The following PPP3CA variants were observed in gnomAD, a reference collection of about 807,000 sequenced individuals.
PPP3CA encodes the protein protein phosphatase 3 catalytic subunit alpha, also known as CAM-PRP catalytic subunit.
Under a neutral mutation model 66.5 loss-of-function variants are expected in PPP3CA, and 14 were observed. That is an observed-to-expected ratio of 0.21 (90% CI 0.14 to 0.33). PPP3CA has a LOEUF of 0.33. Among genes scored for constraint, PPP3CA ranks in the 10% least tolerant of loss-of-function variants. The probability of loss-of-function intolerance (pLI) is 1.00; values close to 1 mark genes in which losing one functional copy is unlikely to be tolerated. For missense variants in PPP3CA, 317 were observed against 639.5 expected (o/e 0.50, Z 5.44); for synonymous variants, 232 against 226.2 (o/e 1.03, Z -0.23).
chr4:101,184,195 T>C lies in PPP3CA; in HGVS notation c.259+11721A>G, dbSNP rs1724333893. Reference sequence around the variant, plus strand: ...GGAACCTGACTATGCTCGTTAGTTGTGATACAGGCAGTTAAAGCCACAGAA... The same window carrying C: ...GGAACCTGACTATGCTCGTTAGTTGCGATACAGGCAGTTAAAGCCACAGAA... On this transcript the variant is annotated intron_variant, in intron 2 of 13. Transcript: ENST00000394854. Among the ~76,000 whole-genome samples the C allele has an allele frequency of 3.3e-5, 5 of 152,148 alleles. 1 individual carries two copies. In the South Asian group the frequency reaches 1.0e-3, roughly 32 times the overall value.
chr4:101,030,868 G>T (rs115471497), intron 12 of PPP3CA, among the ~76,000 whole-genome samples: 2,207 of 152,102 alleles, frequency 0.015, 34 homozygotes, highest in Middle Eastern at 0.082. Context: ...ATTTCAGTCA[G>T]TTAGGTAGAT....
At chr4:101,316,372 T>C (rs974931874) in intron 1 of PPP3CA, among the ~76,000 whole-genome samples, 2 of 151,832 alleles carry the variant, frequency 1.3e-5, no homozygotes, top group Non-Finnish European at 2.9e-5. Flanking sequence ...TAATACCCCA[T>C]TGGAATCATC....
At chr4:101,057,061 T>C (rs184314205) in intron 10 of PPP3CA, among the ~76,000 whole-genome samples, 6 of 127,800 alleles carry the variant, frequency 4.7e-5, no homozygotes, top group Non-Finnish European at 9.2e-5. Context: ...TAGAATATAC[T>C]TTTTTTTTTT....
At chr4:101,324,545 T>TA (rs372271709) in intron 1 of PPP3CA, among the ~76,000 whole-genome samples, 2 of 151,996 alleles carry the variant, frequency 1.3e-5, no homozygotes, top group Admixed American at 6.6e-5. Context: ...GAAGAACATT[T>TA]AAAAAAAATT....
At chr4:101,176,769 A>G (rs1430722377) in intron 2 of PPP3CA, among the ~76,000 whole-genome samples, 1 of 152,084 alleles carries the variant, frequency 6.6e-6, no homozygotes, top group African/African-American at 2.4e-5. Context: ...TGACTAAAAT[A>G]CAACTACTGT....
rs574060254 is a variant in PPP3CA at position 101,259,124 on chromosome 4, TCA to T, written c.59-63010_59-63009del. Among the ~76,000 whole-genome samples, 14 of 152,228 alleles carry T rather than the reference TCA, an allele frequency of 9.2e-5. No individual in the cohort carries two copies. The South Asian group carries it at 2.7e-3, about 29-fold the overall frequency. On this transcript the variant is annotated intron_variant, in intron 1 of 13. Transcript: ENST00000394854. ...TTCCTTCTCTTGACTCTGAGGAAAGTCACACTACAAGTACTTTCCTCCTCTAT... is the reference window on the plus strand; with the variant it reads ...TTCCTTCTCTTGACTCTGAGGAAAGTCACTACAAGTACTTTCCTCCTCTAT...
At chr4:101,040,693 G>A (rs777521780) in intron 10 of PPP3CA, 127 bp from the exon 11 acceptor site, 16 of 658,792 alleles carry the variant, frequency 2.4e-5, no homozygotes, top group Admixed American at 3.7e-5. Flanking sequence ...CCCTTAAGAG[G>A]ATTTATCTGT....
chr4:101,082,897 T>C (rs1051067177), intron 7 of PPP3CA, among the ~76,000 whole-genome samples: 1 of 152,122 alleles, frequency 6.6e-6, no homozygotes, highest in Non-Finnish European at 1.5e-5. Context: ...AATGCAACAA[T>C]TGAGAGGAAT....
chr4:101,127,591 T>C (rs963328335), intron 2 of PPP3CA, among the ~76,000 whole-genome samples: 9 of 152,142 alleles, frequency 5.9e-5, no homozygotes, highest in African/African-American at 2.2e-4. Context: ...CCCGCCTACA[T>C]CCTGATTTCA....
intron 1 of PPP3CA, among the ~76,000 whole-genome samples, chr4:101,335,267 A>G (rs1458846031): frequency 6.6e-6 from 1 of 152,026 alleles, no homozygotes; most frequent in African/African-American, 2.4e-5. Flanking sequence ...GCCAAATTCA[A>G]TGGCGTTAGG....
chr4:101,041,177 G>T (rs982991123), intron 10 of PPP3CA, among the ~76,000 whole-genome samples: 2 of 152,062 alleles, frequency 1.3e-5, no homozygotes, highest in Non-Finnish European at 1.5e-5. Context: ...ATTGGATTTA[G>T]TAAGAGACAA....
At chr4:101,155,943 G>T (rs1258768817) in intron 2 of PPP3CA, among the ~76,000 whole-genome samples, 1 of 152,182 alleles carries the variant, frequency 6.6e-6, no homozygotes, top group Admixed American at 6.5e-5. Context: ...ATCATGTGCT[G>T]TGTATTGTTT....
intron 1 of PPP3CA, among the ~76,000 whole-genome samples, chr4:101,301,155 T>C (rs76633202): frequency 0.01 from 1,533 of 152,064 alleles, 15 homozygotes; most frequent in African/African-American, 0.024. Flanking sequence ...TATATTTGTA[T>C]ATAAAATGAC....
intron 10 of PPP3CA, among the ~76,000 whole-genome samples, chr4:101,049,492 T>C (rs1727917973): frequency 6.6e-6 from 1 of 152,126 alleles, no homozygotes; most frequent in Non-Finnish European, 1.5e-5. Context: ...GGAATAAATC[T>C]AAATTTAATA....
chr4:101,187,536 T>C (rs4699116), intron 2 of PPP3CA, among the ~76,000 whole-genome samples: 67,070 of 152,076 alleles, frequency 0.44, 17,621 homozygotes, highest in Middle Eastern at 0.64. Flanking sequence ...TTAATAAATA[T>C]TACCAGCTTA....
chr4:101,322,203 C>T (rs1468949698), intron 1 of PPP3CA, among the ~76,000 whole-genome samples: 1 of 152,096 alleles, frequency 6.6e-6, no homozygotes, highest in African/African-American at 2.4e-5. Flanking sequence ...AAAATCACTA[C>T]CGCTCTGGTC....
In PPP3CA at chr4:101,029,150, G is replaced by T; in HGVS notation, c.1369+16C>A. 1 of 1,589,072 alleles carries T rather than the reference G, an allele frequency of 6.3e-7. No homozygotes were observed. The highest frequency in any genetic ancestry group is 8.6e-7 in the Non-Finnish European group (1 of 1,157,580). On this transcript the variant is annotated intron_variant, in intron 13 of 13. Coordinates refer to ENST00000394854, the MANE Select transcript of PPP3CA (RefSeq NM_000944.5). ...ATCTGTTGCAGGTACAACAGAAAGG[G>T]GACTGGCCAATTTACCTTCATCAGC...
intron 1 of PPP3CA, among the ~76,000 whole-genome samples, chr4:101,298,841 CTGTGTGTG>C (rs57507050): frequency 0.059 from 8,236 of 139,998 alleles, 754 homozygotes; most frequent in African/African-American, 0.2. Flanking sequence ...CAAGGGTCTA[CTGTGTGTG>C]TGTGTGTGTG....
chr4:101,125,430 T>C (rs763418803), intron 2 of PPP3CA, among the ~76,000 whole-genome samples: 2 of 152,230 alleles, frequency 1.3e-5, no homozygotes, highest in South Asian at 4.1e-4. Context: ...AACTATGCCA[T>C]GAAATAAATG....
Sources: gnomAD v4.1 joint callset for allele counts (sites outside exome capture counted in the v4.1 genomes callset) on GRCh38, gnomAD v4.1.1 for gene constraint, MANE v1.5 for transcripts, NCBI Gene and HGNC (gene_info 2026-07-23, HGNC 2026-07-21) for gene names.